The following AGMO variants were observed in gnomAD, a reference collection of about 807,000 sequenced individuals.
AGMO encodes the protein alkylglycerol monooxygenase.
A neutral mutation model predicts 60.2 loss-of-function variants in AGMO; 75 were observed. The ratio of observed to expected loss-of-function variants is 1.25; its 90% CI spans 1.03 to 1.51. AGMO has a LOEUF of 1.51. AGMO is among the 40% of genes most tolerant of loss of function. AGMO has a pLI of 0.00. For synonymous variants in AGMO, 261 were observed against 177.1 expected (o/e 1.47, Z -3.76); for missense variants, 763 against 525.5 (o/e 1.45, Z -4.42).
chr7:15,432,463 G>C (rs1192068389), intron 3 of AGMO, among the ~76,000 whole-genome samples: 1 of 150,460 alleles, frequency 6.6e-6, no homozygotes, highest in African/African-American at 2.4e-5. Flanking sequence ...AAACAAAATT[G>C]TTAAAGAAAA....
intron 3 of AGMO, among the ~76,000 whole-genome samples, chr7:15,441,128 T>C (rs1228886172): frequency 1.3e-5 from 2 of 152,300 alleles, no homozygotes; most frequent in African/African-American, 4.8e-5. Flanking sequence ...TAAAGTAGTA[T>C]GAATATTGGA....
intron 3 of AGMO, among the ~76,000 whole-genome samples, chr7:15,476,698 T>C (rs1178732823): frequency 1.3e-5 from 2 of 152,100 alleles, no homozygotes; most frequent in Non-Finnish European, 2.9e-5. Flanking sequence ...TTGAAAGTTG[T>C]TCGTTAGATT....
chr7:15,235,670 T>G (rs759074527), intron 12 of AGMO, among the ~76,000 whole-genome samples: 1 of 152,054 alleles, frequency 6.6e-6, no homozygotes, highest in Non-Finnish European at 1.5e-5. Context: ...AAAATAGAGA[T>G]AGGGATTGTT....
chr7:15,535,280 A>C (rs2128544179), intron 3 of AGMO, among the ~76,000 whole-genome samples: 3 of 151,938 alleles, frequency 2.0e-5, no homozygotes, highest in African/African-American at 7.2e-5. Context: ...TCTTAGACAT[A>C]AGCTTTGGAA....
intron 12 of AGMO, among the ~76,000 whole-genome samples, chr7:15,341,902 G>A (rs1459181899): frequency 6.6e-6 from 1 of 151,876 alleles, no homozygotes; most frequent in Non-Finnish European, 1.5e-5. Context: ...ACTATCATGA[G>A]AACAGCATGG....
rs201549425 is a variant in AGMO at position 15,387,462 on chromosome 7, C to A, written c.901G>T (p.Gly301Ter). ...GGTTTACCTGGACCCCATCCCGGTC[C>A]CTTAAATATGACAGAAAACTTATTG... ...FFNKFSVIFK[G>*]PGWGPGKPRL... Residue 301 changes from glycine to a stop codon, truncating the protein, a stop_gained, in exon 9 of 13, where the codon GGA (glycine) becomes TGA (stop). Transcript: ENST00000342526. LOFTEE classifies it high-confidence loss of function. 1.9e-6 allele frequency: 3 copies of A among 1,613,986 alleles called. No homozygotes were observed. Among genetic ancestry groups the A allele is most frequent in the East Asian group, 4.5e-5 (2 of 44,870 alleles).
At position 15,301,632 on chromosome 7, in the gene AGMO, C is replaced by T. The variant is rs1041073271; in HGVS notation, c.1263+63882G>A. The stretch of plus-strand genomic sequence containing the variant: ...GCAAAAGCATAGGAATGCTAAAAGG[C>T]TGAATTCACAGTGTTGAAGGTCCAC... On this transcript the variant is annotated intron_variant, in intron 12 of 12. Coordinates refer to ENST00000342526, the MANE Select transcript of AGMO (RefSeq NM_001004320.2). Among the ~76,000 whole-genome samples the T allele has an allele frequency of 2.0e-5, 3 of 151,872 alleles. No homozygotes were observed. The South Asian group carries it at 6.2e-4, about 32-fold the overall frequency.
intron 1 of AGMO, among the ~76,000 whole-genome samples, chr7:15,560,738 T>A (rs1785281823): frequency 6.6e-6 from 1 of 152,184 alleles, no homozygotes; most frequent in African/African-American, 2.4e-5. Context: ...TAGAGACAAT[T>A]TTCTGCTTAG....
At chr7:15,238,843 AT>A (rs1216056536) in intron 12 of AGMO, among the ~76,000 whole-genome samples, 1 of 152,126 alleles carries the variant, frequency 6.6e-6, no homozygotes, top group African/African-American at 2.4e-5. Context: ...GATTTGAAAT[AT>A]AAAAAATACA....
At chr7:15,230,250 A>G (rs1782219856) in intron 12 of AGMO, among the ~76,000 whole-genome samples, 1 of 152,174 alleles carries the variant, frequency 6.6e-6, no homozygotes, top group Non-Finnish European at 1.5e-5. Context: ...GAAACCAGAC[A>G]AAAGCCCTTT....
intron 3 of AGMO, among the ~76,000 whole-genome samples, chr7:15,518,383 C>A (rs1347225083): frequency 3.3e-5 from 5 of 152,282 alleles, no homozygotes; most frequent in African/African-American, 9.6e-5. Flanking sequence ...TGGGAGACAC[C>A]TCCCAGCAGG....
intron 12 of AGMO, among the ~76,000 whole-genome samples, chr7:15,310,753 G>C (rs1283879418): frequency 2.0e-5 from 3 of 152,098 alleles, no homozygotes; most frequent in African/African-American, 2.4e-5. Flanking sequence ...ATTTTTTACA[G>C]TTCTGGAGGT....
intron 12 of AGMO, among the ~76,000 whole-genome samples, chr7:15,364,384 T>C (rs541849378): frequency 4.3e-4 from 65 of 152,176 alleles, no homozygotes; most frequent in African/African-American, 1.5e-3. Flanking sequence ...TATGGCAGGA[T>C]ACTTCACAGA....
chr7:15,235,395 T>C (rs1054261196), intron 12 of AGMO, among the ~76,000 whole-genome samples: 1 of 152,154 alleles, frequency 6.6e-6, no homozygotes, highest in African/African-American at 2.4e-5. Flanking sequence ...TGTTAATTAC[T>C]TAAAATGGAA....
downstream of AGMO, among the ~76,000 whole-genome samples, chr7:15,197,122 TATAAC>T (rs1781138268): frequency 6.6e-6 from 1 of 152,108 alleles, no homozygotes; most frequent in Admixed American, 6.5e-5. Context: ...TGCTGAAAAT[TATAAC>T]ATAAAAAATG....
intron 12 of AGMO, among the ~76,000 whole-genome samples, chr7:15,296,795 A>C (rs563922512): frequency 6.6e-6 from 1 of 152,262 alleles, no homozygotes; most frequent in South Asian, 2.1e-4. Flanking sequence ...AGGAAGACCA[A>C]ATAACTTGCT....
chr7:15,312,615 G>C (rs1448501575), intron 12 of AGMO, among the ~76,000 whole-genome samples: 1 of 152,054 alleles, frequency 6.6e-6, no homozygotes, highest in East Asian at 1.9e-4. Flanking sequence ...TTATAAAGTT[G>C]TGAATCAAAG....
chr7:15,374,880 C>T (rs1350726882), intron 10 of AGMO, among the ~76,000 whole-genome samples: 5 of 152,026 alleles, frequency 3.3e-5, no homozygotes, highest in Admixed American at 2.0e-4. Flanking sequence ...TAAAAATTTG[C>T]AGAGTGTCGG....
intron 12 of AGMO, among the ~76,000 whole-genome samples, chr7:15,304,523 T>C (rs1277976298): frequency 6.6e-6 from 1 of 152,100 alleles, no homozygotes; most frequent in Non-Finnish European, 1.5e-5. Flanking sequence ...ATCAGTTTTA[T>C]TACAGAAATA....
Sources: allele counts gnomAD v4.1 joint callset (sites outside exome capture counted in the v4.1 genomes callset), GRCh38; gene constraint gnomAD v4.1.1; transcripts MANE v1.5; gene names NCBI Gene and HGNC (gene_info 2026-07-23, HGNC 2026-07-21).